AKT3: variants seen among roughly 807,000 people sequenced by gnomAD.
AKT3 encodes RAC-gamma serine/threonine-protein kinase.
In AKT3, 15 loss-of-function variants were observed where a neutral mutation model predicts 65.3. The observed-to-expected ratio is 0.23, with a 90% CI of 0.15 to 0.35. The LOEUF (loss-of-function observed/expected upper bound fraction) is 0.35, where lower values mean the gene tolerates loss of function less well. Among genes scored for constraint, AKT3 ranks in the 10% least tolerant of loss-of-function variants. AKT3 has a pLI of 1.00. For missense variants in AKT3, 243 were observed against 576.5 expected, an observed-to-expected ratio of 0.42 and a Z score of 5.92; for synonymous variants, 206 against 183.8, an observed-to-expected ratio of 1.12 and a Z score of -0.98.
intron 6 of AKT3, among the ~76,000 whole-genome samples, chr1:243,628,443 A>C (rs1362785076): frequency 6.6e-6 from 1 of 152,020 alleles, no homozygotes; most frequent in Non-Finnish European, 1.5e-5. Flanking sequence ...GTATCACCAG[A>C]GGCATGCCAC....
chr1:243,650,919 G>C (rs894861301), intron 4 of AKT3, among the ~76,000 whole-genome samples: 1 of 152,134 alleles, frequency 6.6e-6, no homozygotes, highest in East Asian at 1.9e-4. Flanking sequence ...GTTTAAAGTA[G>C]TTTTTTCCAG....
rs200101324 is a variant in AKT3 at position 243,771,897 on chromosome 1, C to T, written c.46+71228G>A. Among the ~76,000 whole-genome samples, 7 of 152,208 alleles carry T rather than the reference C, an allele frequency of 4.6e-5. No individual in the cohort carries two copies. The East Asian group carries it at 1.2e-3, about 25-fold the overall frequency. ...AGAAATAATACCACACATCTACAAC[C>T]ATCTGATCTTTGACAAACCTGACAA... On this transcript the variant is annotated intron_variant, in intron 2 of 13. Transcript: ENST00000673466.
intron 12 of AKT3, among the ~76,000 whole-genome samples, chr1:243,517,537 AATT>A (rs1670445148): frequency 6.6e-6 from 1 of 152,178 alleles, no homozygotes; most frequent in Admixed American, 6.5e-5. Flanking sequence ...TGACTCCCTT[AATT>A]ATTATGAAAT....
chr1:243,749,030 C>T (rs983154305), intron 2 of AKT3, among the ~76,000 whole-genome samples: 1 of 152,154 alleles, frequency 6.6e-6, no homozygotes, highest in Non-Finnish European at 1.5e-5. Context: ...CTCAGTTCTA[C>T]TGAACTTCCT....
At position 243,529,527 on chromosome 1, in the gene AKT3, G is replaced by A. The variant is rs114824688; in HGVS notation, c.1251+15983C>T. On this transcript the variant is annotated intron_variant, in intron 12 of 13. Coordinates refer to ENST00000673466, the MANE Select transcript of AKT3 (RefSeq NM_005465.7). ...CTCTGCATATGGCTAGCCAGTTATC[G>A]CAATATCATTTATTGAAGAGGGAGT... Among the ~76,000 whole-genome samples, 1,331 of 152,110 alleles carry A rather than the reference G, an allele frequency of 8.8e-3. 19 individuals carry two copies. The highest frequency in any genetic ancestry group is 0.03 in the African/African-American group (1,259 of 41,482).
At chr1:243,758,198 C>T (rs1323960105) in intron 2 of AKT3, among the ~76,000 whole-genome samples, 2 of 152,076 alleles carry the variant, frequency 1.3e-5, no homozygotes, top group South Asian at 2.1e-4. Context: ...ACTGCTTTCA[C>T]GGAGTTTATA....
intron 8 of AKT3, among the ~76,000 whole-genome samples, chr1:243,590,993 G>GAAAAC (rs146881417): frequency 0.01 from 1,532 of 152,156 alleles, 19 homozygotes; most frequent in African/African-American, 0.035. Context: ...ACAGGGAGAG[G>GAAAAC]AAAACAAAAC....
intron 2 of AKT3, among the ~76,000 whole-genome samples, chr1:243,757,731 T>C (rs1286312043): frequency 6.6e-6 from 1 of 152,206 alleles, no homozygotes; most frequent in Non-Finnish European, 1.5e-5. Flanking sequence ...TTGCAGTCTC[T>C]ACTTACTTTT....
At chr1:243,646,534 T>C (rs550690742) in intron 4 of AKT3, among the ~76,000 whole-genome samples, 1 of 152,202 alleles carries the variant, frequency 6.6e-6, no homozygotes, top group East Asian at 1.9e-4. Context: ...TTTGTATTTT[T>C]AGTAGAGACG....
intron 6 of AKT3, among the ~76,000 whole-genome samples, chr1:243,622,695 C>T (rs1246881546): frequency 6.6e-6 from 1 of 152,212 alleles, no homozygotes; most frequent in African/African-American, 2.4e-5. Context: ...TCACTGAAAT[C>T]ATACTCCCAA....
intron 2 of AKT3, among the ~76,000 whole-genome samples, chr1:243,708,989 G>A (rs1012911436): frequency 6.6e-6 from 1 of 151,802 alleles, no homozygotes; most frequent in African/African-American, 2.4e-5. Flanking sequence ...CATAGCATAA[G>A]GATTATCCAT....
At chr1:243,755,213 C>T (rs1049386024) in intron 2 of AKT3, among the ~76,000 whole-genome samples, 1 of 150,042 alleles carries the variant, frequency 6.7e-6, no homozygotes, top group African/African-American at 2.5e-5. Flanking sequence ...GGATTACAGG[C>T]GGGCGACACC....
At position 243,501,009 on chromosome 1, in the gene AKT3, C is replaced by CT. The variant is rs980677697; in HGVS notation, c.*4239dup. On this transcript the variant is annotated 3_prime_UTR_variant, in exon 14 of 14. Coordinates refer to ENST00000673466, the MANE Select transcript of AKT3 (RefSeq NM_005465.7). ...CACCTTTAAAGAATTATAGAGGTCA[C>CT]TTTTTTTTAGCCTCCTGGATCTGTC... 29 of 228,234 alleles carry CT rather than the reference C, an allele frequency of 1.3e-4. No individual in the cohort carries two copies. The highest frequency in any genetic ancestry group is 2.3e-4 in the Admixed American group (4 of 17,566). 14.1% of individuals were successfully genotyped at this position (228,234 alleles called of 1,614,324 possible).
chr1:243,630,974 C>T (rs1459543841), intron 6 of AKT3, among the ~76,000 whole-genome samples: 2 of 147,690 alleles, frequency 1.4e-5, no homozygotes, highest in African/African-American at 2.5e-5. Flanking sequence ...CAAATAGCCT[C>T]TTTTTTTTTT....
At position 243,590,431 on chromosome 1, in the gene AKT3, A is replaced by G. The variant is rs115801192; in HGVS notation, c.697-17383T>C. ...TAAATTAAAAAAAGAAACCCCCAAG[A>G]ACAAATGATTTAGCATCCAATCAAC... On this transcript the variant is annotated intron_variant, in intron 8 of 13. Coordinates refer to ENST00000673466, the MANE Select transcript of AKT3 (RefSeq NM_005465.7). 8.9e-3 allele frequency among the ~76,000 whole-genome samples: 1,358 copies of G among 152,310 alleles called. 14 individuals carry two copies. Among genetic ancestry groups the G allele is most frequent in the African/African-American group, 0.031 (1,286 of 41,578 alleles).
intron 2 of AKT3, among the ~76,000 whole-genome samples, chr1:243,807,355 G>A (rs925562046): frequency 1.3e-5 from 2 of 152,178 alleles, no homozygotes; most frequent in Admixed American, 6.5e-5. Context: ...CTTTTCCAAC[G>A]GACTTAGCAA....
At chr1:243,582,585 C>T (rs1488855313) in intron 8 of AKT3, among the ~76,000 whole-genome samples, 2 of 151,986 alleles carry the variant, frequency 1.3e-5, no homozygotes, top group African/African-American at 4.8e-5. Context: ...CTAGACCAGC[C>T]TTATGAGAGA....
intron 3 of AKT3, among the ~76,000 whole-genome samples, chr1:243,686,653 T>TATATATATA (rs1684343018): frequency 2.4e-3 from 28 of 11,532 alleles, no homozygotes; most frequent in East Asian, 5.7e-3. Context: ...ATATATATAT[T>TATATATATA]TTTTTTTTTT....
At position 243,503,970 on chromosome 1, in the gene AKT3, G is replaced by A. The variant is rs1042135029; in HGVS notation, c.*1279C>T. ...CAGCTATTTGTTTCATTAACCCCTT[G>A]GCATGCATAGTTGGGGATTTTCTCA... On this transcript the variant is annotated 3_prime_UTR_variant, in exon 14 of 14. Coordinates refer to ENST00000673466, the MANE Select transcript of AKT3 (RefSeq NM_005465.7). The A allele has an allele frequency of 2.2e-5, 5 of 225,478 alleles. No individual in the cohort carries two copies. In the South Asian group the frequency reaches 7.3e-4, roughly 33 times the overall value. The allele number at this position is 225,478 out of a possible 1,614,324, so 14.0% of individuals were successfully genotyped here. A position where few individuals can be genotyped will look rare whatever the true frequency, so the allele number is the denominator to read the frequency against.
Sources: allele counts gnomAD v4.1 joint callset (sites outside exome capture counted in the v4.1 genomes callset), GRCh38; gene constraint gnomAD v4.1.1; transcripts MANE v1.5; gene names NCBI Gene and HGNC (gene_info 2026-07-23, HGNC 2026-07-21).